The following MUCL3 variants were observed in gnomAD, a reference collection of about 807,000 sequenced individuals.
MUCL3 encodes the protein mucin-like protein 3.
Under a neutral mutation model 70.2 loss-of-function variants are expected in MUCL3, and 42 were observed. That is an observed-to-expected ratio of 0.60 (90% CI 0.47 to 0.77). MUCL3 has a LOEUF of 0.77. MUCL3 is among the 30% of genes least tolerant of loss of function. The pLI, the probability that MUCL3 is intolerant of heterozygous loss-of-function variation, is 0.00. For synonymous variants in MUCL3, 522 were observed against 647.0 expected, an observed-to-expected ratio of 0.81 and a Z score of 2.93; for missense variants, 1,429 against 1,670.0, an observed-to-expected ratio of 0.86 and a Z score of 2.52.
At position 30,949,478 on chromosome 6, in the gene MUCL3, C is replaced by A; in HGVS notation, c.1014C>A (p.Phe338Leu). Reference sequence around the variant, plus strand: ...CAGCCAATGAGAACACCGCACCATTCCCAGCAGGGCCTACAGAAAATAGAG... The same window carrying A: ...CAGCCAATGAGAACACCGCACCATTACCAGCAGGGCCTACAGAAAATAGAG... ...ERTANENTAP[F>L]PAGPTENREM... The change falls in exon 2 of 3, where the codon TTC (phenylalanine) becomes TTA (leucine). Residue 338 changes from phenylalanine to leucine, a missense_variant. By Grantham distance (22) the Phe-to-Leu change is conservative. Coordinates refer to ENST00000462446, the MANE Select transcript of MUCL3 (RefSeq NM_080870.4). 6.5e-7 allele frequency: 1 copy of A among 1,549,172 alleles called. No individual in the cohort carries two copies. The highest frequency in any genetic ancestry group is 8.7e-7 in the Non-Finnish European group (1 of 1,146,262).
rs1760583716 is a variant in MUCL3 at position 30,950,323 on chromosome 6, C to T, written c.1859C>T (p.Ala620Val). 3.2e-6 allele frequency: 5 copies of T among 1,550,402 alleles called. No individual in the cohort carries two copies. Among genetic ancestry groups the T allele is most frequent in the South Asian group, 1.2e-5 (1 of 83,982 alleles). ...AATGAGAACACCACACCATCCCCGG[C>T]AGAGCCTACAGAAAATAGAGAAAGG... ...LANENTTPSP[A>V]EPTENRERTA... Residue 620 changes from alanine (A) to valine (V), a missense_variant, in exon 2 of 3, where the codon GCA becomes GTA. Coordinates refer to ENST00000462446, the MANE Select transcript of MUCL3 (RefSeq NM_080870.4).
chr6:30,943,449 T>C (rs1795661552), intron 1 of MUCL3, among the ~76,000 whole-genome samples: 1 of 151,908 alleles, frequency 6.6e-6, no homozygotes, highest in Admixed American at 6.6e-5. Flanking sequence ...GATTAAATTA[T>C]CACAGGGAGG....
Position 30,952,401 on chromosome 6 carries a change from C to G in MUCL3, c.3937C>G (p.Gln1313Glu), listed in dbSNP as rs1359037755. 6.8e-6 allele frequency: 11 copies of G among 1,614,068 alleles called. No homozygotes were observed. Among genetic ancestry groups the G allele is most frequent in the Non-Finnish European group, 8.5e-6 (10 of 1,180,036 alleles). Residue 1313 changes from glutamine to glutamate, a missense_variant, in exon 2 of 3, where the codon CAG (glutamine) becomes GAG (glutamate). Transcript: ENST00000462446. ...DGSQKGIHAG[Q>E]MGENDSFPAW... The stretch of plus-strand genomic sequence containing the variant: ...CTCACAGAAAGGTATCCACGCTGGA[C>G]AGATGGGAGAGAATGATTCATTCCC...
At position 30,951,203 on chromosome 6, in the gene MUCL3, G is replaced by T. The variant is rs367845682; in HGVS notation, c.2739G>T (p.Lys913Asn). 55 of 1,548,222 alleles carry T rather than the reference G, an allele frequency of 3.6e-5. No individual in the cohort carries two copies. In the African/African-American group the frequency reaches 6.3e-4, roughly 18 times the overall value. Reference sequence around the variant, plus strand: ...AAAGGACCCCATTTACCAATGAGAAGACCACACCATCCTCAGCAGAGCCTA... The same window carrying T: ...AAAGGACCCCATTTACCAATGAGAATACCACACCATCCTCAGCAGAGCCTA... Reference protein sequence around the residue: ...NGERTPFTNEKTTPSSAEPTE... With the variant: ...NGERTPFTNENTTPSSAEPTE... Residue 913 changes from lysine to asparagine, a missense_variant, in exon 2 of 3, where the codon AAG (lysine) becomes AAT (asparagine). By Grantham distance (94) the Lys-to-Asn change is moderately conservative (BLOSUM62 0). Coordinates refer to ENST00000462446, the MANE Select transcript of MUCL3 (RefSeq NM_080870.4).
Position 30,949,464 on chromosome 6 carries a change from A to C in MUCL3, c.1000A>C (p.Asn334His), listed in dbSNP as rs1247197923. 1 of 1,510,268 alleles carries C rather than the reference A, an allele frequency of 6.6e-7. No homozygotes were observed. The allele number at this position is 1,510,268 out of a possible 1,614,324, so 93.6% of individuals were successfully genotyped here. A position where few individuals can be genotyped will look rare whatever the true frequency, so the allele number is the denominator to read the frequency against. The change falls in exon 2 of 3, where the codon AAC (asparagine) becomes CAC (histidine). Residue 334 changes from asparagine to histidine, a missense_variant. Asn to His is a moderately conservative substitution (Grantham distance 68). Coordinates refer to ENST00000462446, the MANE Select transcript of MUCL3 (RefSeq NM_080870.4). Reference protein sequence around the residue: ...IENRERTANENTAPFPAGPTE... With the variant: ...IENRERTANEHTAPFPAGPTE... ...AAATAGAGAAAGGACAGCCAATGAGAACACCGCACCATTCCCAGCAGGGCC... is the reference window on the plus strand; with the variant it reads ...AAATAGAGAAAGGACAGCCAATGAGCACACCGCACCATTCCCAGCAGGGCC...
rs62399399 is a variant in MUCL3 at position 30,953,495 on chromosome 6, G to A, written c.*378G>A. The A allele has an allele frequency of 8.1e-6, 2 of 248,304 alleles. No individual in the cohort carries two copies. The highest frequency in any genetic ancestry group is 4.4e-5 in the African/African-American group (2 of 45,212). 15.4% of individuals were successfully genotyped at this position (248,304 alleles called of 1,614,324 possible). On this transcript the variant is annotated 3_prime_UTR_variant, in exon 3 of 3. Coordinates refer to ENST00000462446, the MANE Select transcript of MUCL3 (RefSeq NM_080870.4). ...AGACTGACTTGTGAGTGGGGTTTAT[G>A]GGGAAAGGGAGGGACTGAGGGCAGA...
chr6:30,952,653 A>T (rs2150625997), intron 2 of MUCL3, 154 bp downstream of exon 2: 1 of 898,152 alleles, frequency 1.1e-6, no homozygotes, highest in African/African-American at 1.7e-5. Flanking sequence ...GGTGAAAACT[A>T]AGGAGAAAGA....
intron 1 of MUCL3, 57 bp from the exon 2 acceptor site, chr6:30,948,489 AG>A: frequency 7.6e-7 from 1 of 1,322,452 alleles, no homozygotes; most frequent in Non-Finnish European, 1.0e-6. Context: ...GGAGGTGGGA[AG>A]GGGGAGTTGG....
At chr6:30,944,643 ATGT>A (rs1377766529) in intron 1 of MUCL3, among the ~76,000 whole-genome samples, 1 of 152,150 alleles carries the variant, frequency 6.6e-6, no homozygotes, top group Non-Finnish European at 1.5e-5. Flanking sequence ...CATCGTTTTG[ATGT>A]TGTGGGATTT....
Position 30,948,612 on chromosome 6 carries a change from C to T in MUCL3, c.148C>T (p.Leu50Phe), listed in dbSNP as rs774427919. ...ELSTSDHIFP[L>F]TPGLVYSIPF... The stretch of plus-strand genomic sequence containing the variant: ...CTCAACATCCGATCACATATTTCCC[C>T]TCACTCCAGGCCTTGTTTATAGTAT... Residue 50 changes from leucine (L) to phenylalanine (F), a missense_variant, in exon 2 of 3, where the codon CTC (leucine) becomes TTC (phenylalanine). Physicochemically the swap from Leu to Phe is conservative, Grantham distance 22. Transcript: ENST00000462446. The T allele has an allele frequency of 3.2e-5, 49 of 1,550,646 alleles. No homozygotes were observed. The highest frequency in any genetic ancestry group is 3.3e-4 in the Middle Eastern group (2 of 5,982).
Position 30,953,407 on chromosome 6 carries a change from C to T in MUCL3, c.*290C>T, listed in dbSNP as rs192792130. 1.4e-4 allele frequency: 69 copies of T among 506,308 alleles called. No individual in the cohort carries two copies. The highest frequency in any genetic ancestry group is 2.7e-4 in the East Asian group (8 of 29,556). 31.4% of individuals were successfully genotyped at this position (506,308 alleles called of 1,614,324 possible). A position where few individuals can be genotyped will look rare whatever the true frequency, so the allele number is the denominator to read the frequency against. On this transcript the variant is annotated 3_prime_UTR_variant, in exon 3 of 3. Coordinates refer to ENST00000462446, the MANE Select transcript of MUCL3 (RefSeq NM_080870.4). ...GTGTTTGATGGACATGTTGTGGGGGCACCAATGCAGAACACTGCACTGAGT... is the reference window on the plus strand; with the variant it reads ...GTGTTTGATGGACATGTTGTGGGGGTACCAATGCAGAACACTGCACTGAGT...
At chr6:30,943,575 C>T (rs1795669778) in intron 1 of MUCL3, among the ~76,000 whole-genome samples, 1 of 151,998 alleles carries the variant, frequency 6.6e-6, no homozygotes, top group Non-Finnish European at 1.5e-5. Context: ...AGCACAGGTG[C>T]AGCCCAGATG....
chr6:30,941,112 GA>G (rs1230056440), intron 1 of MUCL3, 31 bp downstream of exon 1: 2 of 1,546,012 alleles, frequency 1.3e-6, no homozygotes, highest in African/African-American at 1.4e-5. Context: ...ACAGAAGACA[GA>G]AACAGCTTGT....
At position 30,952,412 on chromosome 6, in the gene MUCL3, G is replaced by A. The variant is rs921505615; in HGVS notation, c.3948G>A (p.Glu1316=). The A allele has an allele frequency of 5.0e-6, 8 of 1,613,950 alleles. No homozygotes were observed. The highest frequency in any genetic ancestry group is 6.8e-6 in the Non-Finnish European group (8 of 1,179,994). Reference sequence around the variant, plus strand: ...GTATCCACGCTGGACAGATGGGAGAGAATGATTCATTCCCTGCATGGGCCA... The same window carrying A: ...GTATCCACGCTGGACAGATGGGAGAAAATGATTCATTCCCTGCATGGGCCA... ...QKGIHAGQMG[E]NDSFPAWAIV... is the part of the protein sequence containing the mutation. Residue 1316 remains glutamate (E), a synonymous_variant, in exon 2 of 3, where the codon GAG becomes GAA. Transcript: ENST00000462446.
In MUCL3 at chr6:30,951,440, G is replaced by C; in HGVS notation, c.2976G>C (p.Glu992Asp). Residue 992 changes from glutamate (E) to aspartate (D), a missense_variant, in exon 2 of 3, where the codon GAG becomes GAC. Transcript: ENST00000462446. ...GAGAAAGGACCCCACTGGCCAATGA[G>C]AACACCACAACATCCCCAACAGAGT... ...ENGERTPLAN[E>D]NTTTSPTEST... 1 of 1,549,264 alleles carries C rather than the reference G, an allele frequency of 6.5e-7. No homozygotes were observed. The highest frequency in any genetic ancestry group is 1.7e-4 in the Middle Eastern group (1 of 5,968).
At position 30,949,856 on chromosome 6, in the gene MUCL3, A is replaced by G; in HGVS notation, c.1392A>G (p.Arg464=). 2 of 1,550,696 alleles carry G rather than the reference A, an allele frequency of 1.3e-6. No homozygotes were observed. The highest frequency in any genetic ancestry group is 2.4e-5 in the East Asian group (1 of 40,846). Residue 464 remains arginine, a synonymous_variant, in exon 2 of 3, where the codon AGA becomes AGG. Transcript: ENST00000462446. ...TPSPAGPTEN[R]ETTANEKTTL... The stretch of plus-strand genomic sequence containing the variant: ...CCCCAGCAGGGCCTACAGAAAACAG[A>G]GAAACGACAGCCAACGAGAAGACCA...
In MUCL3 at chr6:30,951,980, G is replaced by A. The variant is rs530297620; in HGVS notation, c.3516G>A (p.Lys1172=). The change falls in exon 2 of 3, where the codon AAG becomes AAA. Residue 1172 remains lysine, a synonymous_variant. Coordinates refer to ENST00000462446, the MANE Select transcript of MUCL3 (RefSeq NM_080870.4). ...AAAAGTCCACAGAACACCCAGAAAA[G>A]ACCACGTCAACCACAGAGAAAACCA... ...VTEKSTEHPE[K]TTSTTEKTTR... is the part of the protein sequence containing the mutation. The A allele has an allele frequency of 2.5e-6, 4 of 1,612,276 alleles. No homozygotes were observed. Among genetic ancestry groups the A allele is most frequent in the African/African-American group, 1.3e-5 (1 of 74,612 alleles).
Position 30,948,623 on chromosome 6 carries a change from C to T in MUCL3, c.159C>T (p.Gly53=). ...TSDHIFPLTP[G]LVYSIPFDHI... ...ATCACATATTTCCCCTCACTCCAGG[C>T]CTTGTTTATAGTATCCCTTTTGATC... Residue 53 remains glycine, a synonymous_variant, in exon 2 of 3, where the codon GGC becomes GGT. Coordinates refer to ENST00000462446, the MANE Select transcript of MUCL3 (RefSeq NM_080870.4). The T allele has an allele frequency of 6.4e-7, 1 of 1,551,598 alleles. No individual in the cohort carries two copies. Among genetic ancestry groups the T allele is most frequent in the East Asian group, 2.4e-5 (1 of 40,928 alleles).
chr6:30,950,159 G>A lies in MUCL3; in HGVS notation c.1695G>A (p.Arg565=). 6.5e-7 allele frequency: 1 copy of A among 1,546,440 alleles called. No homozygotes were observed. Among genetic ancestry groups the A allele is most frequent in the Non-Finnish European group, 8.7e-7 (1 of 1,146,374 alleles). ...SPAEPTENGD[R]TPLANEKTTP... is the part of the protein sequence containing the mutation. ...CAGAGCCTACAGAAAATGGAGACAGGACTCCTTTGGCCAATGAGAAGACCA... is the reference window on the plus strand; with the variant it reads ...CAGAGCCTACAGAAAATGGAGACAGAACTCCTTTGGCCAATGAGAAGACCA... Residue 565 remains arginine (R), a synonymous_variant, in exon 2 of 3, where the codon AGG becomes AGA. Transcript: ENST00000462446.
Sources: allele counts gnomAD v4.1 joint callset (sites outside exome capture counted in the v4.1 genomes callset), GRCh38; gene constraint gnomAD v4.1.1; transcripts MANE v1.5; gene names NCBI Gene and HGNC (gene_info 2026-07-23, HGNC 2026-07-21).